The following ANTXR2 variants were observed in gnomAD, a reference collection of about 807,000 sequenced individuals.
ANTXR2 encodes the protein anthrax toxin receptor 2.
A neutral mutation model predicts 73.7 loss-of-function variants in ANTXR2; 44 were observed. The ratio of observed to expected loss-of-function variants is 0.60; its 90% CI spans 0.47 to 0.77. ANTXR2 has a LOEUF of 0.77. Ranked by LOEUF, ANTXR2 falls within the 30% of genes least tolerant of loss-of-function variation. ANTXR2 has a pLI of 0.00. For synonymous variants in ANTXR2, 217 were observed against 205.9 expected (o/e 1.05, Z -0.46); for missense variants, 604 against 592.5 (o/e 1.02, Z -0.20).
chr4:79,936,266 G>C (rs1257095956), intron 16 of ANTXR2, among the ~76,000 whole-genome samples: 1 of 151,696 alleles, frequency 6.6e-6, no homozygotes, highest in Non-Finnish European at 1.5e-5. Flanking sequence ...ATATTTAATT[G>C]ATCTCTATTC....
Position 80,050,492 on chromosome 4 carries a change from C to T in ANTXR2, c.636+3780G>A, listed in dbSNP as rs559022345. ...GCCCTGGGTTAGTTTCCTGCCATGCCTAGCTTTCTACCAAATGATTTAAAG... is the reference window on the plus strand; with the variant it reads ...GCCCTGGGTTAGTTTCCTGCCATGCTTAGCTTTCTACCAAATGATTTAAAG... On this transcript the variant is annotated intron_variant, in intron 7 of 16. Coordinates refer to ENST00000403729, the MANE Select transcript of ANTXR2 (RefSeq NM_058172.6). Among the ~76,000 whole-genome samples the T allele has an allele frequency of 1.8e-4, 27 of 151,766 alleles. 1 individual carries two copies. In the East Asian group the frequency reaches 5.1e-3, roughly 28 times the overall value.
chr4:80,062,475 T>A (rs1009831315), intron 3 of ANTXR2, among the ~76,000 whole-genome samples: 1 of 152,208 alleles, frequency 6.6e-6, no homozygotes, highest in African/African-American at 2.4e-5. Context: ...ATAAAACAGA[T>A]GTGGGACTTC....
At chr4:80,041,765 A>G (rs1733274398) in intron 7 of ANTXR2, among the ~76,000 whole-genome samples, 1 of 152,068 alleles carries the variant, frequency 6.6e-6, no homozygotes, top group Non-Finnish European at 1.5e-5. Context: ...AATGGCTTCC[A>G]GCTCCATCCA....
intron 16 of ANTXR2, among the ~76,000 whole-genome samples, chr4:79,950,605 C>T (rs569913887): frequency 6.6e-5 from 10 of 152,176 alleles, no homozygotes; most frequent in South Asian, 2.1e-4. Flanking sequence ...GCCAAGAAGA[C>T]GTCAAGGTGC....
chr4:80,016,528 T>G (rs993630242), intron 11 of ANTXR2, among the ~76,000 whole-genome samples: 2 of 152,336 alleles, frequency 1.3e-5, no homozygotes, highest in Admixed American at 6.5e-5. Flanking sequence ...TGTTGCCTAA[T>G]TTATTCCATC....
At chr4:79,989,967 CA>C (rs986771276) in intron 12 of ANTXR2, among the ~76,000 whole-genome samples, 7 of 148,312 alleles carry the variant, frequency 4.7e-5, no homozygotes, top group Non-Finnish European at 9.1e-5. Context: ...AACTAGGCAT[CA>C]AAAAAAATAT....
chr4:80,064,984 TG>T (rs1734430725), intron 3 of ANTXR2, among the ~76,000 whole-genome samples: 1 of 152,242 alleles, frequency 6.6e-6, no homozygotes, highest in African/African-American at 2.4e-5. Context: ...GTTAACTGTG[TG>T]TGCTTGGACA....
intron 3 of ANTXR2, among the ~76,000 whole-genome samples, chr4:80,057,483 C>T (rs558163372): frequency 1.3e-5 from 2 of 151,786 alleles, no homozygotes; most frequent in Admixed American, 1.3e-4. Flanking sequence ...GCAAGTTTTC[C>T]ATCTCATAAA....
intron 10 of ANTXR2, among the ~76,000 whole-genome samples, chr4:80,027,264 C>T (rs994690786): frequency 7.3e-5 from 11 of 151,224 alleles, no homozygotes; most frequent in Non-Finnish European, 4.4e-5. Flanking sequence ...TTGGAAAGAA[C>T]AGAAACTGTA....
chr4:79,965,118 G>T (rs1164644087), intron 16 of ANTXR2: 1 of 152,204 alleles, frequency 6.6e-6, no homozygotes, highest in Non-Finnish European at 1.5e-5. Context: ...GGCGCATTTG[G>T]CTGGAAATTC....
At chr4:80,024,147 T>C (rs1732306091) in intron 10 of ANTXR2, among the ~76,000 whole-genome samples, 1 of 152,120 alleles carries the variant, frequency 6.6e-6, no homozygotes, top group African/African-American at 2.4e-5. Context: ...CATGGACATT[T>C]ATTGGATGTA....
chr4:80,056,437 T>C (rs190636728), intron 3 of ANTXR2, among the ~76,000 whole-genome samples: 1 of 151,956 alleles, frequency 6.6e-6, no homozygotes, highest in Non-Finnish European at 1.5e-5. Context: ...TTCCTTGTTA[T>C]CTGCGAATTG....
chr4:79,998,066 A>G (rs943699808), intron 12 of ANTXR2, among the ~76,000 whole-genome samples: 3 of 151,994 alleles, frequency 2.0e-5, no homozygotes, highest in Non-Finnish European at 4.4e-5. Flanking sequence ...GCCCTTCTCA[A>G]CAATAAAAAC....
chr4:79,963,698 A>T (rs1212587308), intron 16 of ANTXR2, among the ~76,000 whole-genome samples: 1 of 152,118 alleles, frequency 6.6e-6, no homozygotes, highest in African/African-American at 2.4e-5. Flanking sequence ...TTACTATAGA[A>T]TCTTTATTAT....
At chr4:79,929,236 C>G (rs1394253870) in intron 16 of ANTXR2, among the ~76,000 whole-genome samples, 1 of 152,124 alleles carries the variant, frequency 6.6e-6, no homozygotes, top group Non-Finnish European at 1.5e-5. Context: ...GTTGGGAGGG[C>G]AGGCGCAGTG....
intron 16 of ANTXR2, among the ~76,000 whole-genome samples, chr4:79,959,492 A>G (rs1219813727): frequency 2.0e-5 from 3 of 152,192 alleles, no homozygotes. Flanking sequence ...ACTATAATAG[A>G]CAAAATTCTG....
intron 10 of ANTXR2, among the ~76,000 whole-genome samples, chr4:80,022,946 T>C (rs558743726): frequency 8.5e-5 from 13 of 152,268 alleles, no homozygotes; most frequent in African/African-American, 3.1e-4. Flanking sequence ...GGTAAAATAA[T>C]ATACATAAAA....
intron 11 of ANTXR2, among the ~76,000 whole-genome samples, chr4:80,009,891 A>T (rs191751318): frequency 5.9e-5 from 9 of 151,664 alleles, no homozygotes; most frequent in Admixed American, 5.9e-4. Context: ...TACTTACTGA[A>T]AGAATGAACT....
chr4:79,921,099 G>C (rs908371487), intron 16 of ANTXR2, among the ~76,000 whole-genome samples: 1 of 152,054 alleles, frequency 6.6e-6, no homozygotes, highest in South Asian at 2.1e-4. Context: ...TTTTGCTACA[G>C]TATTTCTAGA....
Sources: gnomAD v4.1 joint callset for allele counts (sites outside exome capture counted in the v4.1 genomes callset) on GRCh38, gnomAD v4.1.1 for gene constraint, MANE v1.5 for transcripts, NCBI Gene and HGNC (gene_info 2026-07-23, HGNC 2026-07-21) for gene names.